The following MCF2L variants were observed in gnomAD, a reference collection of about 807,000 sequenced individuals.
MCF2L encodes MCF.2 cell line derived transforming sequence like.
In MCF2L, 97 loss-of-function variants were observed where a neutral mutation model predicts 153.4. That is an observed-to-expected ratio of 0.63 (90% CI 0.54 to 0.75). MCF2L has a LOEUF of 0.75. Among genes scored for constraint, MCF2L ranks in the 30% least tolerant of loss-of-function variants. The probability of loss-of-function intolerance (pLI) is 0.00; values close to 1 mark genes in which losing one functional copy is unlikely to be tolerated. For synonymous variants in MCF2L, 659 were observed against 632.2 expected (o/e 1.04, Z -0.64); for missense variants, 1,347 against 1,495.2 (o/e 0.90, Z 1.64).
intron 15 of MCF2L, among the ~76,000 whole-genome samples, chr13:113,079,403 G>A (rs2033862278): frequency 6.6e-6 from 1 of 151,988 alleles, no homozygotes; most frequent in South Asian, 2.1e-4. Context: ...GCCACACACC[G>A]ACCAGGCACC....
Position 113,086,269 on chromosome 13 carries a change from G to C in MCF2L, c.2373+20G>C, listed in dbSNP as rs191023429. The C allele has an allele frequency of 4.2e-5, 68 of 1,606,372 alleles. No homozygotes were observed. The highest frequency in any genetic ancestry group is 5.8e-5 in the Non-Finnish European group (68 of 1,177,120). Reference sequence around the variant, plus strand: ...TATGACGTAAGGCGCCCAGATGCCCGGTCTTCCCCGCCGCCTCCGTGGAAT... The same window carrying C: ...TATGACGTAAGGCGCCCAGATGCCCCGTCTTCCCCGCCGCCTCCGTGGAAT... On this transcript the variant is annotated intron_variant, in intron 21 of 29. Coordinates refer to ENST00000535094, the MANE Select transcript of MCF2L (RefSeq NM_001112732.3).
chr13:112,957,320 G>T (rs1441294619), intron 2 of MCF2L: 1 of 152,232 alleles, frequency 6.6e-6, no homozygotes, highest in African/African-American at 2.4e-5. Context: ...TTCAGAAATG[G>T]AGTTCACATG....
chr13:113,034,712 C>G (rs1213185059), intron 3 of MCF2L, among the ~76,000 whole-genome samples: 1 of 152,202 alleles, frequency 6.6e-6, no homozygotes, highest in Non-Finnish European at 1.5e-5. Flanking sequence ...GCGCCCTTGC[C>G]CTTGCCCTGG....
At position 112,961,706 on chromosome 13, in the gene MCF2L, G is replaced by A. The variant is rs75083608; in HGVS notation, c.170-53057G>A. ...GAGGGCATCCCCACTGCTACTTCCC[G>A]GGAGCTGCAGTCACCCTCAGTGAGC... On this transcript the variant is annotated intron_variant, in intron 2 of 29. Transcript: ENST00000375608. Among the ~76,000 whole-genome samples, 47 of 152,314 alleles carry A rather than the reference G, an allele frequency of 3.1e-4. 2 individuals are homozygous for A. The East Asian group carries it at 5.4e-3, about 18-fold the overall frequency.
chr13:112,923,021 T>C (rs1360919871), intron 2 of MCF2L, among the ~76,000 whole-genome samples: 2 of 152,326 alleles, frequency 1.3e-5, no homozygotes, highest in African/African-American at 4.8e-5. Flanking sequence ...AATTGGTGGA[T>C]ACTTTTTTCT....
rs550261485 is a variant in MCF2L at position 112,960,571 on chromosome 13, C to T, written c.170-54192C>T. 2.6e-5 allele frequency among the ~76,000 whole-genome samples: 4 copies of T among 152,252 alleles called. No homozygotes were observed. The highest frequency in any genetic ancestry group is 2.1e-4 in the South Asian group (1 of 4,818). On this transcript the variant is annotated intron_variant, in intron 2 of 29. Transcript: ENST00000375608. This position sits in a 1 kb window ranked among gnomAD's most constrained non-coding sequence, Gnocchi z 4.2. Reference sequence around the variant, plus strand: ...CTGGGGAAGGGGGGCTTTGGGGTTTCGGTGTCCAGGGCTGTGTCAGTTTCC... The same window carrying T: ...CTGGGGAAGGGGGGCTTTGGGGTTTTGGTGTCCAGGGCTGTGTCAGTTTCC...
intron 3 of MCF2L, among the ~76,000 whole-genome samples, chr13:113,032,964 T>C (rs866340811): frequency 0.012 from 1,570 of 131,958 alleles, 29 homozygotes; most frequent in African/African-American, 0.042. Context: ...GACCCCGTGA[T>C]GTGAGTGGAC....
intron 3 of MCF2L, among the ~76,000 whole-genome samples, chr13:113,026,175 G>C (rs7317225): frequency 1.6e-4 from 12 of 74,756 alleles, no homozygotes; most frequent in Non-Finnish European, 2.8e-4. Flanking sequence ...TTCCACCATG[G>C]TGGGGTCCCC....
Position 113,087,513 on chromosome 13 carries a change from A to T in MCF2L, c.2595+57A>T, listed in dbSNP as rs1595001945. On this transcript the variant is annotated intron_variant, in intron 22 of 29. Transcript: ENST00000535094. Reference sequence around the variant, plus strand: ...CCTGGCCACAGACCCCGACGGGGGAAGTCTGTAACTCGGTCTGAGGTGGCC... The same window carrying T: ...CCTGGCCACAGACCCCGACGGGGGATGTCTGTAACTCGGTCTGAGGTGGCC... 11 of 1,426,320 alleles carry T rather than the reference A, an allele frequency of 7.7e-6. No individual in the cohort carries two copies. In the East Asian group the frequency reaches 9.8e-5, roughly 13 times the overall value. 88.4% of individuals were successfully genotyped at this position (1,426,320 alleles called of 1,614,324 possible).
intron 2 of MCF2L, among the ~76,000 whole-genome samples, chr13:112,915,447 A>G (rs1226998494): frequency 6.7e-6 from 1 of 149,746 alleles, no homozygotes. Flanking sequence ...TACACGCATC[A>G]GCAGTTGCCA....
At chr13:112,981,611 A>T (rs750997548) in intron 1 of MCF2L, among the ~76,000 whole-genome samples, 17 of 152,208 alleles carry the variant, frequency 1.1e-4, no homozygotes, top group Non-Finnish European at 1.9e-4. Flanking sequence ...GTGTAGTGAG[A>T]GGCAGACTCT....
intron 1 of MCF2L, among the ~76,000 whole-genome samples, chr13:112,970,678 G>A (rs982623105): frequency 2.6e-5 from 4 of 152,114 alleles, no homozygotes; most frequent in Admixed American, 6.5e-5. Flanking sequence ...TCTGCGTGCC[G>A]TTCGGTGTCA....
At chr13:113,086,537 C>G (rs1375601334) in intron 21 of MCF2L, among the ~76,000 whole-genome samples, 2 of 152,178 alleles carry the variant, frequency 1.3e-5, no homozygotes, top group African/African-American at 4.8e-5. Context: ...CAGCTCAGAC[C>G]TCCTCACTCC....
At chr13:113,095,822 G>A in intron 27 of MCF2L, 1 of 995,124 alleles carries the variant, frequency 1.0e-6, no homozygotes, top group Non-Finnish European at 1.2e-6. Flanking sequence ...AACGGAACGT[G>A]TTCCATGACA....
chr13:113,012,919 C>T (rs1394872382), intron 1 of MCF2L, among the ~76,000 whole-genome samples: 2 of 103,406 alleles, frequency 1.9e-5, no homozygotes, highest in African/African-American at 7.5e-5. Flanking sequence ...CACTGTGATG[C>T]GGACGGTGGA....
chr13:113,031,324 G>A lies in MCF2L; in HGVS notation c.278+6566G>A, dbSNP rs928246062. On this transcript the variant is annotated intron_variant, in intron 3 of 29. Transcript: ENST00000535094. This position sits in a 1 kb window ranked among gnomAD's most constrained non-coding sequence, Gnocchi z 5.5. ...AGCACGAGGGAGGCAGAGGGCAGGG[G>A]TGGCAGCATCACTGCAGACAAGGAA... 5.9e-5 allele frequency among the ~76,000 whole-genome samples: 9 copies of A among 152,192 alleles called. No homozygotes were observed. The highest frequency in any genetic ancestry group is 2.2e-4 in the African/African-American group (9 of 41,442).
At chr13:113,006,218 C>T (rs2083686129) in intron 1 of MCF2L, among the ~76,000 whole-genome samples, 1 of 152,244 alleles carries the variant, frequency 6.6e-6, no homozygotes, top group Non-Finnish European at 1.5e-5. Flanking sequence ...GAGCCCGTGG[C>T]AGTGAAGGTC....
At chr13:112,966,909 A>G (rs546336601), upstream of MCF2L, among the ~76,000 whole-genome samples, 4 of 152,338 alleles carry the variant, frequency 2.6e-5, no homozygotes, top group South Asian at 4.1e-4. The surrounding 1 kb of genome is among the most constrained non-coding windows in gnomAD (Gnocchi z 4.1). Flanking sequence ...TGGATCAGCA[A>G]GGAGCCATCA....
chr13:112,901,614 T>A (rs1205897620), intron 1 of MCF2L, among the ~76,000 whole-genome samples: 1 of 152,240 alleles, frequency 6.6e-6, no homozygotes, highest in Admixed American at 6.5e-5. Context: ...CAAGTGACTC[T>A]GAGGCTTCGG....
Sources: allele counts gnomAD v4.1 joint callset (sites outside exome capture counted in the v4.1 genomes callset), GRCh38; gene constraint gnomAD v4.1.1; non-coding constraint Gnocchi (gnomAD v3.1); transcripts MANE v1.5; gene names NCBI Gene and HGNC (gene_info 2026-07-23, HGNC 2026-07-21).